Variants in SYN3 observed in about 807,000 individuals in gnomAD.
SYN3 encodes synapsin III.
A neutral mutation model predicts 65.8 loss-of-function variants in SYN3; 35 were observed. The observed-to-expected ratio is 0.53, with a 90% CI of 0.41 to 0.70. The LOEUF (loss-of-function observed/expected upper bound fraction) is 0.70. Ranked by LOEUF, SYN3 falls within the 30% of genes least tolerant of loss-of-function variation. SYN3 has a pLI of 0.00. For missense variants in SYN3, 680 were observed against 749.0 expected (o/e 0.91, Z 1.08); for synonymous variants, 270 against 292.9 (o/e 0.92, Z 0.80).
chr22:32,729,164 C>T (rs956259845), intron 6 of SYN3, among the ~76,000 whole-genome samples: 5 of 152,204 alleles, frequency 3.3e-5, no homozygotes, highest in Admixed American at 1.3e-4. Flanking sequence ...CACAACTAGA[C>T]GATCAGCTAT....
At chr22:32,956,105 G>GC (rs1234276452) in intron 3 of SYN3, among the ~76,000 whole-genome samples, 47 of 122,290 alleles carry the variant, frequency 3.8e-4, no homozygotes, top group South Asian at 5.0e-4. Flanking sequence ...CCCTAATACC[G>GC]CCCCCCCCAA....
intron 6 of SYN3, among the ~76,000 whole-genome samples, chr22:32,748,552 C>T (rs913742388): frequency 1.3e-5 from 2 of 152,164 alleles, no homozygotes; most frequent in Non-Finnish European, 2.9e-5. Flanking sequence ...TGGAGTGGAG[C>T]ATGGGAGAAT....
At chr22:32,840,007 G>A (rs2047847166) in intron 6 of SYN3, among the ~76,000 whole-genome samples, 1 of 152,020 alleles carries the variant, frequency 6.6e-6, no homozygotes, top group African/African-American at 2.4e-5. Context: ...CCCTTCCCCG[G>A]GAGGTCCAGG....
At chr22:32,675,151 C>A (rs2147082790) in intron 6 of SYN3, among the ~76,000 whole-genome samples, 1 of 152,270 alleles carries the variant, frequency 6.6e-6, no homozygotes, top group Non-Finnish European at 1.5e-5. Flanking sequence ...TCCCAGGAGG[C>A]CTCTAGGCTT....
intron 6 of SYN3, among the ~76,000 whole-genome samples, chr22:32,771,877 T>C (rs1325647474): frequency 3.9e-5 from 6 of 152,178 alleles, no homozygotes; most frequent in Non-Finnish European, 7.3e-5. Context: ...TAGATCTCTC[T>C]TCCAACGGTC....
chr22:32,739,176 G>GGT (rs565653773), intron 6 of SYN3, among the ~76,000 whole-genome samples: 2 of 137,098 alleles, frequency 1.5e-5, no homozygotes, highest in South Asian at 2.3e-4. Flanking sequence ...TGAATCACAG[G>GGT]GGGGGGGCGG....
At chr22:32,834,492 G>A (rs2047673597) in intron 6 of SYN3, among the ~76,000 whole-genome samples, 1 of 152,100 alleles carries the variant, frequency 6.6e-6, no homozygotes, top group African/African-American at 2.4e-5. Context: ...AGCCTCCCAT[G>A]GGCAGGCAGA....
Position 32,513,666 on chromosome 22 carries a change from C to T in SYN3, c.*26G>A. On this transcript the variant is annotated 3_prime_UTR_variant, in exon 14 of 14. Transcript: ENST00000358763. ...GGAGGGGGACGAGTGTAGCAGAGCA[C>T]TCTTCCCCTCCCAGCCTGGATGGCG... 6.2e-7 allele frequency: 1 copy of T among 1,612,440 alleles called. No homozygotes were observed. Among genetic ancestry groups the T allele is most frequent in the African/African-American group, 1.3e-5 (1 of 75,022 alleles).
Position 32,934,709 on chromosome 22 carries a change from CA to C in SYN3, c.370-3229del, listed in dbSNP as rs2050724822. On this transcript the variant is annotated intron_variant, in intron 3 of 13. Coordinates refer to ENST00000358763, the MANE Select transcript of SYN3 (RefSeq NM_003490.4). ...ATTGTATTCCTCAAAAAGCTATGTC[CA>C]AGTCCTAACCTCTGATACCTGTGAA... 3.3e-5 allele frequency among the ~76,000 whole-genome samples: 5 copies of C among 152,268 alleles called. No homozygotes were observed. In the South Asian group the frequency reaches 1.0e-3, roughly 32 times the overall value.
At chr22:32,826,758 C>T (rs1044906811) in intron 6 of SYN3, among the ~76,000 whole-genome samples, 4 of 152,162 alleles carry the variant, frequency 2.6e-5, no homozygotes, top group Non-Finnish European at 4.4e-5. Flanking sequence ...GGCACCAGGG[C>T]GTCCACTATC....
At chr22:33,054,239 C>T (rs959318387) in intron 1 of SYN3, among the ~76,000 whole-genome samples, 5 of 152,162 alleles carry the variant, frequency 3.3e-5, no homozygotes, top group East Asian at 1.9e-4. Flanking sequence ...CTCCCCTCCT[C>T]GACTCCAGAC....
chr22:32,951,022 AAAAAACAT>A lies in SYN3; in HGVS notation c.370-19549_370-19542del, dbSNP rs879283544. 6.4e-4 allele frequency among the ~76,000 whole-genome samples: 98 copies of A among 152,292 alleles called. 1 individual carries two copies. The highest frequency in any genetic ancestry group is 1.1e-3 in the Non-Finnish European group (77 of 68,032). ...TGAAACTGTATCATTAAATTCCTTT[AAAAAACAT>A]CAGCAGTCTGCATGTATTATGATCT... On this transcript the variant is annotated intron_variant, in intron 3 of 13. Transcript: ENST00000358763.
At chr22:32,966,289 G>C (rs1243465292) in intron 3 of SYN3, among the ~76,000 whole-genome samples, 1 of 152,128 alleles carries the variant, frequency 6.6e-6, no homozygotes, top group Non-Finnish European at 1.5e-5. Flanking sequence ...AAGAATCTAT[G>C]GCAAAATCTA....
chr22:32,553,217 C>T (rs1213443457), intron 7 of SYN3, among the ~76,000 whole-genome samples: 1 of 152,184 alleles, frequency 6.6e-6, no homozygotes, highest in African/African-American at 2.4e-5. Flanking sequence ...ACCGGGGACA[C>T]AATTCAGTCC....
intron 6 of SYN3, among the ~76,000 whole-genome samples, chr22:32,773,955 T>C (rs1228865637): frequency 1.3e-5 from 2 of 151,886 alleles, no homozygotes; most frequent in Non-Finnish European, 2.9e-5. Context: ...GAACTGCCAG[T>C]AGGAGGGCTG....
intron 1 of SYN3, among the ~76,000 whole-genome samples, chr22:33,048,820 T>A (rs1279649383): frequency 6.6e-6 from 1 of 152,186 alleles, no homozygotes; most frequent in Non-Finnish European, 1.5e-5. Flanking sequence ...ATGAAGGTAT[T>A]AGAGGCTGTT....
At chr22:32,550,729 A>G (rs2058401570) in intron 7 of SYN3, among the ~76,000 whole-genome samples, 1 of 151,840 alleles carries the variant, frequency 6.6e-6, no homozygotes, top group African/African-American at 2.4e-5. Context: ...AAACATATTT[A>G]GCACCCAGAT....
chr22:32,857,901 T>C (rs1017602032), intron 6 of SYN3: 8 of 1,520,430 alleles, frequency 5.3e-6, no homozygotes, highest in African/African-American at 1.4e-5. Flanking sequence ...ATCATGGGTC[T>C]GAAAAGTACC....
At chr22:32,603,534 A>G (rs1601736294) in intron 6 of SYN3, among the ~76,000 whole-genome samples, 1 of 130,930 alleles carries the variant, frequency 7.6e-6, no homozygotes, top group Admixed American at 7.1e-5. Flanking sequence ...TCTCAAAAAA[A>G]AAGAAAAAAA....
Sources: allele counts gnomAD v4.1 joint callset (sites outside exome capture counted in the v4.1 genomes callset), GRCh38; gene constraint gnomAD v4.1.1; transcripts MANE v1.5; gene names NCBI Gene and HGNC (gene_info 2026-07-23, HGNC 2026-07-21).